The following SLC22A9 variants were observed in gnomAD, a reference collection of about 807,000 sequenced individuals.
The protein encoded by SLC22A9 is organic anion transporter 7.
A neutral mutation model predicts 50.1 loss-of-function variants in SLC22A9; 64 were observed. The ratio of observed to expected loss-of-function variants is 1.28; its 90% CI spans 1.04 to 1.57. The LOEUF (loss-of-function observed/expected upper bound fraction) is 1.57. Among genes scored for constraint, SLC22A9 ranks in the 40% most tolerant of loss-of-function variants. The probability of loss-of-function intolerance (pLI) is 0.00; values close to 1 mark genes in which losing one functional copy is unlikely to be tolerated. For synonymous variants in SLC22A9, 261 were observed against 242.5 expected (o/e 1.08, Z -0.71); for missense variants, 757 against 676.1 (o/e 1.12, Z -1.33).
At chr11:63,375,495 A>T in intron 4 of SLC22A9, 150 bp from the exon 5 acceptor site, 1 of 1,061,144 alleles carries the variant, frequency 9.4e-7, no homozygotes, top group Non-Finnish European at 1.3e-6. Context: ...TTTTCTAGTT[A>T]TAGTCAAAGA....
At chr11:63,375,887 T>C (rs977694714) in intron 5 of SLC22A9, 119 bp downstream of exon 5, 2 of 1,264,930 alleles carry the variant, frequency 1.6e-6, no homozygotes, top group Non-Finnish European at 2.2e-6. Flanking sequence ...GGTTATGGGC[T>C]GTATCACCTC....
chr11:63,381,786 C>T (rs1565183331), intron 5 of SLC22A9, among the ~76,000 whole-genome samples: 1 of 152,132 alleles, frequency 6.6e-6, no homozygotes, highest in Non-Finnish European at 1.5e-5. Context: ...CCAATGTCCA[C>T]GTCCTTTGGG....
chr11:63,393,263 T>C lies in SLC22A9; in HGVS notation c.1073+10986T>C, dbSNP rs557512960. Among the ~76,000 whole-genome samples the C allele has an allele frequency of 3.3e-5, 5 of 152,240 alleles. No individual in the cohort carries two copies. The East Asian group carries it at 9.6e-4, about 29-fold the overall frequency. On this transcript the variant is annotated intron_variant, in intron 6 of 9. Transcript: ENST00000279178. ...TTTTTGCAGCTACGATAAAAAGGGTTGGGTTCTTGATTTGATTCTTCACTT... is the reference window on the plus strand; with the variant it reads ...TTTTTGCAGCTACGATAAAAAGGGTCGGGTTCTTGATTTGATTCTTCACTT...
intron 9 of SLC22A9, 141 bp from the exon 10 acceptor site, chr11:63,409,661 A>G: frequency 3.9e-6 from 3 of 778,136 alleles, no homozygotes; most frequent in Non-Finnish European, 6.1e-6. Flanking sequence ...GGTTTACTCA[A>G]TCCCTTGGGG....
At chr11:63,375,812 A>ATTGT in intron 5 of SLC22A9, 44 bp downstream of exon 5, 1 of 1,600,922 alleles carries the variant, frequency 6.2e-7, no homozygotes, top group Non-Finnish European at 8.5e-7. Flanking sequence ...GGAAGACATA[A>ATTGT]CTTGTCATCA....
intron 5 of SLC22A9, 72 bp from the exon 6 acceptor site, chr11:63,382,087 T>G: frequency 9.2e-7 from 1 of 1,089,294 alleles, no homozygotes; most frequent in Non-Finnish European, 1.3e-6. Context: ...CATCTGTGGG[T>G]TGACCAGTGC....
chr11:63,409,768 T>TG, intron 9 of SLC22A9, 34 bp from the exon 10 acceptor site: 1 of 1,529,034 alleles, frequency 6.5e-7, no homozygotes, highest in Non-Finnish European at 8.9e-7. Flanking sequence ...TTCATTTTTG[T>TG]GATTTTTTGT....
At chr11:63,395,800 G>A (rs2014844219) in intron 6 of SLC22A9, among the ~76,000 whole-genome samples, 1 of 152,140 alleles carries the variant, frequency 6.6e-6, no homozygotes, top group Non-Finnish European at 1.5e-5. Context: ...GTCTTCAGAA[G>A]TTGGGTAGGA....
intron 6 of SLC22A9, among the ~76,000 whole-genome samples, chr11:63,387,819 T>A (rs953662875): frequency 6.6e-6 from 1 of 152,132 alleles, no homozygotes; most frequent in African/African-American, 2.4e-5. Flanking sequence ...TCCTCTTCAA[T>A]TTCTTACATT....
intron 6 of SLC22A9, among the ~76,000 whole-genome samples, chr11:63,382,899 C>T (rs930564120): frequency 7.2e-5 from 11 of 152,156 alleles, no homozygotes; most frequent in Admixed American, 3.9e-4. Flanking sequence ...TTTCACCTGA[C>T]CCATGACAAC....
In SLC22A9 at chr11:63,389,861, A is replaced by C. The variant is rs191262848; in HGVS notation, c.1073+7584A>C. Reference sequence around the variant, plus strand: ...AGCATCTGTTGTTTCCAGACTTTTTAATGATCACCATTCTAACTGGCATGA... The same window carrying C: ...AGCATCTGTTGTTTCCAGACTTTTTCATGATCACCATTCTAACTGGCATGA... On this transcript the variant is annotated intron_variant, in intron 6 of 9. Coordinates refer to ENST00000279178, the MANE Select transcript of SLC22A9 (RefSeq NM_080866.3). Among the ~76,000 whole-genome samples the C allele has an allele frequency of 2.8e-4, 43 of 152,270 alleles. No homozygotes were observed. The East Asian group carries it at 7.7e-3, about 27-fold the overall frequency.
At chr11:63,382,717 A>G (rs965508532) in intron 6 of SLC22A9, among the ~76,000 whole-genome samples, 1 of 152,198 alleles carries the variant, frequency 6.6e-6, no homozygotes, top group African/African-American at 2.4e-5. Flanking sequence ...GCAAGCATAG[A>G]AAAAACATAA....
chr11:63,377,449 A>G (rs1023096856), intron 5 of SLC22A9, among the ~76,000 whole-genome samples: 1 of 152,198 alleles, frequency 6.6e-6, no homozygotes, highest in African/African-American at 2.4e-5. Context: ...CTTCTCTTGA[A>G]TGACTTCCGG....
At chr11:63,401,794 C>T (rs2014956056) in intron 6 of SLC22A9, among the ~76,000 whole-genome samples, 1 of 152,032 alleles carries the variant, frequency 6.6e-6, no homozygotes, top group African/African-American at 2.4e-5. Context: ...TTAATAACAG[C>T]CATTCTGACT....
intron 3 of SLC22A9, 23 bp downstream of exon 3, chr11:63,373,821 C>T (rs1427209156): frequency 6.2e-7 from 1 of 1,604,216 alleles, no homozygotes; most frequent in Non-Finnish European, 8.5e-7. Flanking sequence ...TTTGGATCCA[C>T]ATTTTCCAAA....
chr11:63,392,120 C>T (rs1213673993), intron 6 of SLC22A9, among the ~76,000 whole-genome samples: 2 of 152,006 alleles, frequency 1.3e-5, no homozygotes, highest in Non-Finnish European at 2.9e-5. Flanking sequence ...TACACTGTAA[C>T]TTTGTCTCCT....
rs374893188 is a variant in SLC22A9 at position 63,370,347 on chromosome 11, G to T, written c.291G>T (p.Gln97His). The T allele has an allele frequency of 1.2e-6, 2 of 1,613,990 alleles. No homozygotes were observed. Among genetic ancestry groups the T allele is most frequent in the Admixed American group, 3.3e-5 (2 of 60,002 alleles). Residue 97 changes from glutamine (Q) to histidine (H), a missense_variant, in exon 1 of 10, where the codon CAG (glutamine) becomes CAT (histidine). Gln to His is a conservative substitution (Grantham distance 24). Transcript: ENST00000279178. ...GTCGCTTTGTTCATCCTCAGTGGCA[G>T]CTCCTTCACCTGAATGGGACCTTCC... is the stretch of plus-strand genomic sequence containing the variant. ...KCRRFVHPQW[Q>H]LLHLNGTFPN...
At chr11:63,397,657 C>G (rs1456556664) in intron 6 of SLC22A9, among the ~76,000 whole-genome samples, 1 of 152,080 alleles carries the variant, frequency 6.6e-6, no homozygotes, top group Admixed American at 6.6e-5. Context: ...TCATGGCCAC[C>G]ACCACCCCAC....
rs769522384 is a variant in SLC22A9, at chr11:63,374,108, G to T, written c.830+46G>T. The T allele has an allele frequency of 3.9e-6, 6 of 1,535,596 alleles. No homozygotes were observed. The East Asian group carries it at 9.2e-5, about 24-fold the overall frequency. On this transcript the variant is annotated intron_variant, in intron 4 of 9. Coordinates refer to ENST00000279178, the MANE Select transcript of SLC22A9 (RefSeq NM_080866.3). ...TTGTCTTAATGAGATATTGGAATGA[G>T]AATGTATGTGGAACTAGGACACCTG...
Sources: allele counts gnomAD v4.1 joint callset (sites outside exome capture counted in the v4.1 genomes callset), GRCh38; gene constraint gnomAD v4.1.1; transcripts MANE v1.5; gene names NCBI Gene and HGNC (gene_info 2026-07-23, HGNC 2026-07-21).